The following AKAP6 variants were observed in gnomAD, a reference collection of about 807,000 sequenced individuals.
AKAP6 encodes A-kinase anchor protein 6.
Under a neutral mutation model 188.5 loss-of-function variants are expected in AKAP6, and 58 were observed. The observed-to-expected ratio is 0.31, with a 90% CI of 0.25 to 0.38. The LOEUF is 0.38. AKAP6 is among the 10% of genes least tolerant of loss of function. The pLI is 1.00. For synonymous variants in AKAP6, 989 were observed against 998.6 expected (o/e 0.99, Z 0.18); for missense variants, 2,710 against 2,740.0 (o/e 0.99, Z 0.24).
intron 2 of AKAP6, among the ~76,000 whole-genome samples, chr14:32,452,011 A>ATTTTTTTTTTTTTTT (rs61035125): frequency 1.5e-5 from 1 of 66,194 alleles, no homozygotes; most frequent in African/African-American, 7.3e-5. Context: ...TTTTCTTTAC[A>ATTTTTTTTTTTTTTT]TTTTTTTTTT....
At chr14:32,330,794 C>T (rs1886510434) in intron 1 of AKAP6, among the ~76,000 whole-genome samples, 1 of 141,378 alleles carries the variant, frequency 7.1e-6, no homozygotes, top group Non-Finnish European at 1.5e-5. Context: ...GAGGAAAGGC[C>T]TCAGGTTTTA....
chr14:32,552,536 GA>G (rs1883521889), intron 4 of AKAP6, among the ~76,000 whole-genome samples: 1 of 152,028 alleles, frequency 6.6e-6, no homozygotes, highest in African/African-American at 2.4e-5. Flanking sequence ...AGACTAAGGG[GA>G]AAAAACCCAA....
At chr14:32,715,942 T>C (rs977680500) in intron 9 of AKAP6, among the ~76,000 whole-genome samples, 7 of 151,808 alleles carry the variant, frequency 4.6e-5, no homozygotes, top group Non-Finnish European at 8.8e-5. Flanking sequence ...AACAAACATT[T>C]GTATATGGTC....
chr14:32,813,398 C>CA (rs1555365166), intron 12 of AKAP6, among the ~76,000 whole-genome samples: 4 of 125,076 alleles, frequency 3.2e-5, no homozygotes, highest in South Asian at 3.7e-4. Flanking sequence ...TACCCCCCCC[C>CA]CCAACCCCTT....
At chr14:32,337,027 T>C (rs759860196) in intron 1 of AKAP6, among the ~76,000 whole-genome samples, 3 of 152,306 alleles carry the variant, frequency 2.0e-5, no homozygotes, top group Non-Finnish European at 4.4e-5. Context: ...AATACTTCCT[T>C]GTATTTAATC....
chr14:32,333,634 AAAT>A (rs1275220545), intron 1 of AKAP6, among the ~76,000 whole-genome samples: 2 of 152,166 alleles, frequency 1.3e-5, no homozygotes, highest in African/African-American at 4.8e-5. Context: ...TTACTGCATT[AAAT>A]AATAACTTTT....
At chr14:32,639,647 C>T (rs1459840829) in intron 7 of AKAP6, among the ~76,000 whole-genome samples, 1 of 152,000 alleles carries the variant, frequency 6.6e-6, no homozygotes, top group African/African-American at 2.4e-5. Flanking sequence ...AAAAATTGCA[C>T]CTGTGAAAAA....
At chr14:32,818,778 C>T (rs1228512109) in intron 12 of AKAP6, among the ~76,000 whole-genome samples, 13 of 152,154 alleles carry the variant, frequency 8.5e-5, no homozygotes. Flanking sequence ...CCAGCCCATC[C>T]AGATGGCACA....
intron 3 of AKAP6, among the ~76,000 whole-genome samples, chr14:32,541,654 A>G (rs921538005): frequency 9.2e-5 from 14 of 152,320 alleles, no homozygotes; most frequent in Middle Eastern, 3.4e-3. Flanking sequence ...TTTCAGCTAC[A>G]TATTAATTTA....
intron 7 of AKAP6, among the ~76,000 whole-genome samples, chr14:32,642,669 C>A (rs1392269544): frequency 1.3e-5 from 2 of 152,128 alleles, no homozygotes; most frequent in Non-Finnish European, 2.9e-5. Flanking sequence ...ATGCTGTGAC[C>A]TTCAGGTGAT....
At chr14:32,818,085 G>A (rs936638484) in intron 12 of AKAP6, among the ~76,000 whole-genome samples, 2 of 152,096 alleles carry the variant, frequency 1.3e-5, no homozygotes, top group African/African-American at 4.8e-5. Context: ...GGGAGTGAGC[G>A]AGGGCAGAGT....
chr14:32,748,068 C>A (rs1258056183), intron 11 of AKAP6, among the ~76,000 whole-genome samples: 2 of 152,172 alleles, frequency 1.3e-5, no homozygotes, highest in African/African-American at 2.4e-5. Flanking sequence ...CCTCTGAAAC[C>A]AGAGAATGAA....
At chr14:32,371,468 G>A (rs1413202431) in intron 1 of AKAP6, among the ~76,000 whole-genome samples, 5 of 152,174 alleles carry the variant, frequency 3.3e-5, no homozygotes, top group African/African-American at 4.8e-5. Context: ...TTAGCTGGGC[G>A]TGGGGGTGCT....
At chr14:32,816,487 T>C (rs2034382214) in intron 12 of AKAP6, among the ~76,000 whole-genome samples, 1 of 152,198 alleles carries the variant, frequency 6.6e-6, no homozygotes, top group East Asian at 1.9e-4. Context: ...CGAGCCACTG[T>C]ACCTGTCCTG....
At position 32,363,315 on chromosome 14, in the gene AKAP6, G is replaced by T. The variant is rs570211371; in HGVS notation, c.-35+33907G>T. Among the ~76,000 whole-genome samples the T allele has an allele frequency of 7.2e-5, 11 of 152,280 alleles. No individual in the cohort carries two copies. In the South Asian group the frequency reaches 2.3e-3, roughly 32 times the overall value. On this transcript the variant is annotated intron_variant, in intron 1 of 13. Transcript: ENST00000280979. The stretch of plus-strand genomic sequence containing the variant: ...ACAGAGGAGATGTGTATTAGTCAGG[G>T]TTCTCTAGAGGGATAGTTCAAATAG...
At chr14:32,770,178 A>G (rs1251017908) in intron 11 of AKAP6, among the ~76,000 whole-genome samples, 4 of 152,234 alleles carry the variant, frequency 2.6e-5, no homozygotes, top group Non-Finnish European at 5.9e-5. Flanking sequence ...CGGTTTACAA[A>G]TGTGAAACAA....
chr14:32,481,473 G>C (rs946197873), intron 2 of AKAP6, among the ~76,000 whole-genome samples: 1 of 152,136 alleles, frequency 6.6e-6, no homozygotes, highest in Admixed American at 6.6e-5. Flanking sequence ...TACATGGCTG[G>C]GGAGGCCTCA....
At position 32,492,909 on chromosome 14, in the gene AKAP6, C is replaced by T. The variant is rs7148474; in HGVS notation, c.325-42645C>T. Reference sequence around the variant, plus strand: ...TATGTCAAACTGGTGTTTATGAAAACCATAAAAATGAAATGCCACCATTAT... The same window carrying T: ...TATGTCAAACTGGTGTTTATGAAAATCATAAAAATGAAATGCCACCATTAT... On this transcript the variant is annotated intron_variant, in intron 2 of 13. Transcript: ENST00000280979. Among the ~76,000 whole-genome samples the T allele has an allele frequency of 7.8e-3, 1,179 of 152,118 alleles. 13 individuals are homozygous for T. Among genetic ancestry groups the T allele is most frequent in the Middle Eastern group, 0.034 (10 of 294 alleles).
intron 1 of AKAP6, among the ~76,000 whole-genome samples, chr14:32,344,434 C>T (rs1319005699): frequency 6.6e-6 from 1 of 152,164 alleles, no homozygotes; most frequent in African/African-American, 2.4e-5. Context: ...TAATTAGTCC[C>T]AGTAAATACA....
Sources: allele counts gnomAD v4.1 joint callset (sites outside exome capture counted in the v4.1 genomes callset), GRCh38; gene constraint gnomAD v4.1.1; transcripts MANE v1.5; gene names NCBI Gene and HGNC (gene_info 2026-07-23, HGNC 2026-07-21).